TTPA: variants seen among roughly 807,000 people sequenced by gnomAD.
TTPA encodes alpha-tocopherol transfer protein.
Under a neutral mutation model 25.9 loss-of-function variants are expected in TTPA, and 23 were observed. The observed-to-expected ratio is 0.89, with a 90% CI of 0.64 to 1.26. The LOEUF (loss-of-function observed/expected upper bound fraction) is 1.26. TTPA is among the 50% of genes most tolerant of loss of function. The pLI is 0.00. For synonymous variants in TTPA, 148 were observed against 137.3 expected (o/e 1.08, Z -0.54); for missense variants, 337 against 353.1 (o/e 0.95, Z 0.37).
chr8:63,072,998 C>T lies in TTPA; in HGVS notation c.295G>A (p.Gly99Ser), dbSNP rs200760380. 129 of 1,613,950 alleles carry T rather than the reference C, an allele frequency of 8.0e-5. No homozygotes were observed. The highest frequency in any genetic ancestry group is 9.8e-5 in the Non-Finnish European group (116 of 1,180,018). Residue 99 changes from glycine (G) to serine (S), a missense_variant, in exon 2 of 5, where the codon GGC becomes AGC. Gly to Ser is a moderately conservative substitution (Grantham distance 56). Coordinates refer to ENST00000260116, the MANE Select transcript of TTPA (RefSeq NM_000370.3). ...PRSIIGLLKA[G>S]YHGVLRSRDP... ...CTGGATCTCAGGACTCCATGGTAGC[C>T]AGCCTTTAGGAGGCCAATAATACTT...
At chr8:63,083,857 G>A (rs916865133) in intron 1 of TTPA, among the ~76,000 whole-genome samples, 6 of 151,336 alleles carry the variant, frequency 4.0e-5, no homozygotes, top group African/African-American at 1.2e-4. Context: ...TAATATCAGA[G>A]TGATGAGTTA....
Position 63,061,848 on chromosome 8 carries a change from C to T in TTPA, c.664-423G>A, listed in dbSNP as rs375909623. Reference sequence around the variant, plus strand: ...AAGTAGAAGCATATATCTGAGCACACAATTAAATCTATGAGAAACAATTTA... The same window carrying T: ...AAGTAGAAGCATATATCTGAGCACATAATTAAATCTATGAGAAACAATTTA... On this transcript the variant is annotated intron_variant, in intron 4 of 4. Coordinates refer to ENST00000260116, the MANE Select transcript of TTPA (RefSeq NM_000370.3). 8.5e-5 allele frequency among the ~76,000 whole-genome samples: 13 copies of T among 152,246 alleles called. No individual in the cohort carries two copies. The East Asian group carries it at 2.3e-3, about 27-fold the overall frequency.
intron 1 of TTPA, among the ~76,000 whole-genome samples, chr8:63,077,943 C>T (rs1805590293): frequency 6.6e-6 from 1 of 152,200 alleles, no homozygotes; most frequent in South Asian, 2.1e-4. Flanking sequence ...GCAGGTGACA[C>T]TCTGGGACGA....
rs1451400132 is a variant in TTPA at position 63,085,877 on chromosome 8, C to T, written c.145G>A (p.Asp49Asn). The change falls in exon 1 of 5, where the codon GAC becomes AAC. Residue 49 changes from aspartate to asparagine, a missense_variant. Asp to Asn is a conservative substitution (Grantham distance 23). Coordinates refer to ENST00000260116, the MANE Select transcript of TTPA (RefSeq NM_000370.3). ...GVPLAPLPLT[D>N]SFLLRFLRAR... ...CGCAGGAACCGCAGCAGGAAGGAGTCGGTGAGCGGCAGCGGCGCGAGCGGG... is the reference window on the plus strand; with the variant it reads ...CGCAGGAACCGCAGCAGGAAGGAGTTGGTGAGCGGCAGCGGCGCGAGCGGG... 5 of 1,533,206 alleles carry T rather than the reference C, an allele frequency of 3.3e-6. No homozygotes were observed. Among genetic ancestry groups the T allele is most frequent in the Admixed American group, 3.9e-5 (2 of 50,744 alleles). The allele number at this position is 1,533,206 out of a possible 1,614,324, so 95.0% of individuals were successfully genotyped here.
At chr8:63,084,939 G>A (rs1213817228) in intron 1 of TTPA, among the ~76,000 whole-genome samples, 2 of 152,158 alleles carry the variant, frequency 1.3e-5, no homozygotes, top group Non-Finnish European at 2.9e-5. Flanking sequence ...GAGACACACT[G>A]GAATTTTGTA....
chr8:63,077,001 A>T (rs1407330025), intron 1 of TTPA, among the ~76,000 whole-genome samples: 2 of 152,160 alleles, frequency 1.3e-5, no homozygotes, highest in African/African-American at 4.8e-5. Context: ...GAGATTATAA[A>T]ACCCAGAGGC....
intron 1 of TTPA, among the ~76,000 whole-genome samples, chr8:63,078,082 C>A (rs1805600485): frequency 2.0e-5 from 3 of 152,190 alleles, no homozygotes; most frequent in Admixed American, 2.0e-4. Context: ...AACAGACCTG[C>A]AGCTGAGAGA....
intron 1 of TTPA, among the ~76,000 whole-genome samples, chr8:63,080,808 G>A (rs981569361): frequency 6.6e-6 from 1 of 151,022 alleles, no homozygotes; most frequent in East Asian, 1.9e-4. Flanking sequence ...AAATGATAAA[G>A]GGGATATCAC....
chr8:63,069,162 A>G (rs1188183598), intron 2 of TTPA, among the ~76,000 whole-genome samples: 3 of 152,022 alleles, frequency 2.0e-5, no homozygotes, highest in African/African-American at 7.3e-5. Flanking sequence ...TCAAAAAAAC[A>G]AAACAAAACA....
chr8:63,064,212 C>G lies in TTPA; in HGVS notation c.657G>C (p.Lys219Asn). The G allele has an allele frequency of 1.2e-6, 2 of 1,610,542 alleles. No individual in the cohort carries two copies. Among genetic ancestry groups the G allele is most frequent in the Non-Finnish European group, 1.7e-6 (2 of 1,177,502 alleles). ...MIKPFLTEKI[K>N]ERIHMHGNNY... ...TTGAATATATTTTACTCACCCGTTC[C>G]TTAATTTTTTCAGTCAGGAATGGTT... The change falls in exon 4 of 5, where the codon AAG becomes AAC. Residue 219 changes from lysine (K) to asparagine (N), a missense_variant. Lys to Asn is a moderately conservative substitution (Grantham distance 94). Transcript: ENST00000260116.
In TTPA at chr8:63,061,274, C is replaced by A. The variant is rs1233515069; in HGVS notation, c.815G>T (p.Ser272Ile). 7 of 1,613,704 alleles carry A rather than the reference C, an allele frequency of 4.3e-6. No homozygotes were observed. Among genetic ancestry groups the A allele is most frequent in the Non-Finnish European group, 5.9e-6 (7 of 1,179,912 alleles). Reference protein sequence around the residue: ...FIMKSEDYLSSISESIQ With the variant: ...FIMKSEDYLSIISESIQ ...TTCTCATTGAATGCTCTCAGAAATG[C>A]TGCTGAGATAATCTTCAGACTTCAT... Residue 272 changes from serine (S) to isoleucine (I), a missense_variant, in exon 5 of 5, where the codon AGC (serine) becomes ATC (isoleucine). Ser to Ile is a moderately radical substitution (Grantham distance 142). Coordinates refer to ENST00000260116, the MANE Select transcript of TTPA (RefSeq NM_000370.3).
At chr8:63,070,687 T>TTATGATCAAAAATCATAAATCA (rs1271541390) in intron 2 of TTPA, among the ~76,000 whole-genome samples, 1 of 152,194 alleles carries the variant, frequency 6.6e-6, no homozygotes, top group Admixed American at 6.5e-5. Context: ...GTTAAGGTAT[T>TTATGATCAAAAATCATAAATCA]TATGATCAAA....
chr8:63,077,007 G>A (rs984111523), intron 1 of TTPA, among the ~76,000 whole-genome samples: 1 of 151,814 alleles, frequency 6.6e-6, no homozygotes, highest in Admixed American at 6.6e-5. Context: ...ATAAAACCCA[G>A]AGGCAATCAA....
rs377147343 is a variant in TTPA, at chr8:63,083,733, TTAAA to T, written c.204+2081_204+2084del. Among the ~76,000 whole-genome samples the T allele has an allele frequency of 4.0e-4, 61 of 151,988 alleles. No individual in the cohort carries two copies. The East Asian group carries it at 0.01, about 26-fold the overall frequency. Reference sequence around the variant, plus strand: ...GTATATAAAAGATTATTAATCACACTTAAATAAATGCATATTATAATAACAATGA... The same window carrying T: ...GTATATAAAAGATTATTAATCACACTTAAATGCATATTATAATAACAATGA... On this transcript the variant is annotated intron_variant, in intron 1 of 4. Transcript: ENST00000260116.
At chr8:63,082,793 C>T (rs1232788001) in intron 1 of TTPA, among the ~76,000 whole-genome samples, 3 of 152,016 alleles carry the variant, frequency 2.0e-5, no homozygotes, top group East Asian at 1.9e-4. Context: ...AACAAATTTA[C>T]AAGAAAAACA....
At chr8:63,071,093 A>G (rs1436684962) in intron 2 of TTPA, among the ~76,000 whole-genome samples, 1 of 152,194 alleles carries the variant, frequency 6.6e-6, no homozygotes, top group African/African-American at 2.4e-5. Flanking sequence ...TAAGAAGCTC[A>G]AGGAACTTCA....
At chr8:63,078,500 G>A (rs1193319593) in intron 1 of TTPA, among the ~76,000 whole-genome samples, 1 of 152,204 alleles carries the variant, frequency 6.6e-6, no homozygotes, top group East Asian at 1.9e-4. Flanking sequence ...TAAATGACCG[G>A]ATGGAACTGA....
At chr8:63,077,328 A>G (rs751721530) in intron 1 of TTPA, among the ~76,000 whole-genome samples, 13 of 152,172 alleles carry the variant, frequency 8.5e-5, no homozygotes, top group Non-Finnish European at 1.8e-4. Flanking sequence ...GGTGCAGCCC[A>G]TGGAGGGTGG....
chr8:63,070,077 G>A lies in TTPA; in HGVS notation c.358+2858C>T, dbSNP rs1805460222. On this transcript the variant is annotated intron_variant, in intron 2 of 4. Transcript: ENST00000260116. ...CCCATTTTACAGATGAGAAAATGCA[G>A]TTACAGCTACATAGTGTTTCACACA... Among the ~76,000 whole-genome samples the A allele has an allele frequency of 2.0e-5, 3 of 152,172 alleles. No individual in the cohort carries two copies. The South Asian group carries it at 6.2e-4, about 32-fold the overall frequency.
Sources: allele counts gnomAD v4.1 joint callset (sites outside exome capture counted in the v4.1 genomes callset), GRCh38; gene constraint gnomAD v4.1.1; transcripts MANE v1.5; gene names NCBI Gene and HGNC (gene_info 2026-07-23, HGNC 2026-07-21).